Variants in KLHL18 observed in about 807,000 individuals in gnomAD.
KLHL18 encodes the protein kelch like family member 18.
Under a neutral mutation model 58.5 loss-of-function variants are expected in KLHL18, and 38 were observed. The observed-to-expected ratio is 0.65, with a 90% CI of 0.50 to 0.85. The LOEUF is 0.85. Ranked by LOEUF, KLHL18 falls within the 40% of genes least tolerant of loss-of-function variation. KLHL18 has a pLI of 0.00. For missense variants in KLHL18, 624 were observed against 778.4 expected, an observed-to-expected ratio of 0.80 and a Z score of 2.36; for synonymous variants, 303 against 301.9, an observed-to-expected ratio of 1.00 and a Z score of -0.04.
intron 3 of KLHL18, among the ~76,000 whole-genome samples, chr3:47,328,055 C>T (rs993054427): frequency 6.6e-6 from 1 of 152,064 alleles, no homozygotes; most frequent in Non-Finnish European, 1.5e-5. Context: ...TTGGAATTTT[C>T]TTAGATGCAA....
At chr3:47,336,864 G>T in intron 7 of KLHL18, 107 bp downstream of exon 7, 1 of 910,086 alleles carries the variant, frequency 1.1e-6, no homozygotes, top group Non-Finnish European at 1.7e-6. Flanking sequence ...GCTTTGGCCT[G>T]GGAGTTTCCT....
At position 47,334,731 on chromosome 3, in the gene KLHL18, G is replaced by A; in HGVS notation, c.810G>A (p.Arg270=). The change falls in exon 6 of 10, where the codon CGG becomes CGA. Residue 270 remains arginine (R), a synonymous_variant. Transcript: ENST00000232766. The surrounding 1 kb of genome is among the most constrained non-coding windows in gnomAD (Gnocchi z 4.7). ...AKDYHLMPER[R]PHLPAFRTRP... Reference sequence around the variant, plus strand: ...ACTACCACCTCATGCCAGAGCGCCGGCCCCACCTGCCAGCTTTCAGAACCC... The same window carrying A: ...ACTACCACCTCATGCCAGAGCGCCGACCCCACCTGCCAGCTTTCAGAACCC... The A allele has an allele frequency of 1.2e-6, 2 of 1,614,094 alleles. No individual in the cohort carries two copies. The highest frequency in any genetic ancestry group is 1.7e-6 in the Non-Finnish European group (2 of 1,180,024).
At chr3:47,319,506 C>G in intron 1 of KLHL18, 147 bp from the exon 2 acceptor site, 1 of 723,884 alleles carries the variant, frequency 1.4e-6, no homozygotes, top group Non-Finnish European at 2.3e-6. Context: ...GCCTTGGCCT[C>G]CATGCCCTGG....
intron 2 of KLHL18, among the ~76,000 whole-genome samples, chr3:47,322,297 C>A (rs974836666): frequency 6.6e-6 from 1 of 152,144 alleles, no homozygotes; most frequent in Admixed American, 6.6e-5. Flanking sequence ...TGTTGGCGAT[C>A]AAGGACTAAA....
intron 1 of KLHL18, chr3:47,283,471 A>C (rs1049058626): frequency 3.9e-6 from 1 of 256,378 alleles, no homozygotes; most frequent in Non-Finnish European, 7.6e-6. Context: ...TTCTCTTGTC[A>C]CTACAGATAT....
chr3:47,345,896 A>G lies in KLHL18; in HGVS notation c.*1955A>G, dbSNP rs1370612028. On this transcript the variant is annotated 3_prime_UTR_variant, in exon 10 of 10. Transcript: ENST00000232766. ...GCTAGGCCTCTGCTACAAGCACTTGAAAATGATATTTTTATTTTTAACGTC... is the reference window on the plus strand; with the variant it reads ...GCTAGGCCTCTGCTACAAGCACTTGGAAATGATATTTTTATTTTTAACGTC... The G allele has an allele frequency of 6.6e-6, 1 of 152,592 alleles. No homozygotes were observed. The highest frequency in any genetic ancestry group is 1.5e-5 in the Non-Finnish European group (1 of 68,036). The allele number at this position is 152,592 out of a possible 1,614,324, so 9.5% of individuals were successfully genotyped here.
chr3:47,299,227 G>T (rs570250330), intron 1 of KLHL18, among the ~76,000 whole-genome samples: 70 of 152,300 alleles, frequency 4.6e-4, no homozygotes, highest in Non-Finnish European at 1.0e-3. Flanking sequence ...TCTAGATGTT[G>T]CTGTGAAGAT....
chr3:47,308,633 C>T (rs775257080), intron 1 of KLHL18, among the ~76,000 whole-genome samples: 19 of 152,154 alleles, frequency 1.2e-4, no homozygotes, highest in Non-Finnish European at 2.4e-4. Flanking sequence ...TCAGGTGATC[C>T]GCCCGCCTTG....
intron 1 of KLHL18, among the ~76,000 whole-genome samples, chr3:47,307,698 T>C (rs1291538609): frequency 6.6e-6 from 1 of 152,208 alleles, no homozygotes; most frequent in East Asian, 1.9e-4. Flanking sequence ...CCATTAAGGC[T>C]TTTTTCTATC....
intron 1 of KLHL18, among the ~76,000 whole-genome samples, chr3:47,284,979 C>T (rs1379762929): frequency 2.6e-5 from 4 of 151,980 alleles, no homozygotes; most frequent in South Asian, 2.1e-4. Flanking sequence ...CCACCACGCC[C>T]GGCTAATTTT....
At chr3:47,311,517 C>T (rs1238194248) in intron 1 of KLHL18, among the ~76,000 whole-genome samples, 4 of 151,898 alleles carry the variant, frequency 2.6e-5, no homozygotes, top group African/African-American at 9.7e-5. Context: ...ATAGTGAAAC[C>T]CCGTCTCTAC....
intron 3 of KLHL18, among the ~76,000 whole-genome samples, chr3:47,328,979 A>C (rs1263312274): frequency 1.3e-5 from 2 of 151,920 alleles, no homozygotes; most frequent in African/African-American, 4.8e-5. Context: ...CAAAAAGTAC[A>C]AAAATTAGCC....
At chr3:47,307,677 ACTGCAC>A (rs1232111415) in intron 1 of KLHL18, among the ~76,000 whole-genome samples, 1 of 152,122 alleles carries the variant, frequency 6.6e-6, no homozygotes, top group African/African-American at 2.4e-5. Flanking sequence ...GGCGTGAGCC[ACTGCAC>A]CTGGCCATTA....
chr3:47,332,602 C>A (rs1485529145), intron 4 of KLHL18, among the ~76,000 whole-genome samples: 1 of 20,400 alleles, frequency 4.9e-5, no homozygotes, highest in African/African-American at 1.8e-4. Context: ...TGACGGGGGG[C>A]GGGGGGGCAG....
chr3:47,290,497 C>T lies in KLHL18; in HGVS notation c.129+7403C>T, dbSNP rs561246093. ...TTTTTTCCTTGAGACAGGGTCTCATCTCTTGCCCAGGCTGGAGTACAGTGG... is the reference window on the plus strand; with the variant it reads ...TTTTTTCCTTGAGACAGGGTCTCATTTCTTGCCCAGGCTGGAGTACAGTGG... On this transcript the variant is annotated intron_variant, in intron 1 of 9. Coordinates refer to ENST00000232766, the MANE Select transcript of KLHL18 (RefSeq NM_025010.5). 2.6e-5 allele frequency among the ~76,000 whole-genome samples: 4 copies of T among 151,692 alleles called. No homozygotes were observed. In the East Asian group the frequency reaches 7.7e-4, roughly 29 times the overall value.
At chr3:47,302,271 G>A (rs1365866827) in intron 1 of KLHL18, among the ~76,000 whole-genome samples, 2 of 152,170 alleles carry the variant, frequency 1.3e-5, no homozygotes, top group African/African-American at 4.8e-5. Context: ...CAGATCATGA[G>A]GTCAAGAGAT....
At chr3:47,300,069 T>A (rs149663820) in intron 1 of KLHL18, among the ~76,000 whole-genome samples, 358 of 151,034 alleles carry the variant, frequency 2.4e-3, no homozygotes, top group Non-Finnish European at 3.8e-3. Context: ...CCTCCCTCTC[T>A]CTTTCTCACT....
chr3:47,285,789 G>A (rs972418866), intron 1 of KLHL18, among the ~76,000 whole-genome samples: 2 of 152,008 alleles, frequency 1.3e-5, no homozygotes, highest in South Asian at 2.1e-4. Flanking sequence ...GCTCACGCCT[G>A]TAATCCCAGC....
rs182442121 is a variant in KLHL18, at chr3:47,325,299, G to T, written c.401+2591G>T. On this transcript the variant is annotated intron_variant, in intron 3 of 9. Coordinates refer to ENST00000232766, the MANE Select transcript of KLHL18 (RefSeq NM_025010.5). The stretch of plus-strand genomic sequence containing the variant: ...TGCAAGCTCCGCCTCCTGTGTTCAC[G>T]CCATTCTCTCGCCTCAGCCTCCCAA... 5.0e-3 allele frequency among the ~76,000 whole-genome samples: 759 copies of T among 152,154 alleles called. 7 individuals carry two copies. Among genetic ancestry groups the T allele is most frequent in the African/African-American group, 0.017 (705 of 41,510 alleles).
Sources: gnomAD v4.1 joint callset for allele counts (sites outside exome capture counted in the v4.1 genomes callset) on GRCh38, gnomAD v4.1.1 for gene constraint, Gnocchi (gnomAD v3.1) non-coding constraint, MANE v1.5 for transcripts, NCBI Gene and HGNC (gene_info 2026-07-23, HGNC 2026-07-21) for gene names.